Variants in SNX5 observed in about 807,000 individuals in gnomAD.
SNX5 encodes the protein sorting nexin 5, also known as sorting nexin-5.
A neutral mutation model predicts 53.9 loss-of-function variants in SNX5; 31 were observed. The observed-to-expected ratio is 0.58, with a 90% CI of 0.43 to 0.78. The LOEUF (loss-of-function observed/expected upper bound fraction) is 0.78, where lower values mean the gene tolerates loss of function less well. Among genes scored for constraint, SNX5 ranks in the 30% least tolerant of loss-of-function variants. The probability of loss-of-function intolerance (pLI) is 0.00; values close to 1 mark genes in which losing one functional copy is unlikely to be tolerated. For synonymous variants in SNX5, 168 were observed against 171.1 expected (o/e 0.98, Z 0.14); for missense variants, 471 against 478.8 (o/e 0.98, Z 0.15).
intron 8 of SNX5, among the ~76,000 whole-genome samples, 183 bp from the exon 9 acceptor site, chr20:17,949,286 T>C (rs1004154248): frequency 6.6e-6 from 1 of 152,170 alleles, no homozygotes; most frequent in Non-Finnish European, 1.5e-5. Context: ...GTCACAAAAT[T>C]ACACACATGT....
chr20:17,953,308 G>C (rs1341193574), intron 4 of SNX5, among the ~76,000 whole-genome samples: 2 of 152,162 alleles, frequency 1.3e-5, no homozygotes, highest in East Asian at 1.9e-4. Context: ...GGAGGAATGA[G>C]TACTTTTCAG....
chr20:17,968,159 G>T lies in SNX5; in HGVS notation c.51+216C>A, dbSNP rs976651465. 7.4e-6 allele frequency: 3 copies of T among 405,340 alleles called. No homozygotes were observed. The Admixed American group carries it at 1.3e-4, about 18-fold the overall frequency. The allele number at this position is 405,340 out of a possible 1,614,324, so 25.1% of individuals were successfully genotyped here. A position where few individuals can be genotyped will look rare whatever the true frequency, so the allele number is the denominator to read the frequency against. On this transcript the variant is annotated intron_variant, in intron 1 of 12. Coordinates refer to ENST00000377759, the MANE Select transcript of SNX5 (RefSeq NM_014426.4). ...CTGGGGCTAAGGTCCCGCGTCTCTG[G>T]TTCTGTCCTAATAGAATCCGGGACA...
At position 17,952,724 on chromosome 20, in the gene SNX5, T is replaced by C; in HGVS notation, c.390-14A>G. Reference sequence around the variant, plus strand: ...GCGAGATACTCACTGAAAAGAGATGTGCACATGGCATTCAGTTGACACAGC... The same window carrying C: ...GCGAGATACTCACTGAAAAGAGATGCGCACATGGCATTCAGTTGACACAGC... On this transcript the variant is annotated splice_polypyrimidine_tract_variant and intron_variant, in intron 4 of 12. Coordinates refer to ENST00000377759, the MANE Select transcript of SNX5 (RefSeq NM_014426.4). The C allele has an allele frequency of 6.2e-7, 1 of 1,612,024 alleles. No homozygotes were observed. The highest frequency in any genetic ancestry group is 1.1e-5 in the South Asian group (1 of 90,556).
intron 1 of SNX5, chr20:17,967,940 C>CACA (rs1555788459): frequency 7.6e-6 from 3 of 394,478 alleles, no homozygotes; most frequent in African/African-American, 6.3e-5. Context: ...GCCCCCCCCC[C>CACA]AAAAAAGTCT....
intron 1 of SNX5, among the ~76,000 whole-genome samples, chr20:17,960,185 G>A (rs1482668419): frequency 2.0e-5 from 3 of 152,200 alleles, no homozygotes; most frequent in African/African-American, 7.2e-5. Context: ...TTCTGGCTGG[G>A]TGTGGTGGCT....
intron 5 of SNX5, among the ~76,000 whole-genome samples, chr20:17,952,178 G>A (rs939103464): frequency 5.9e-5 from 9 of 152,136 alleles, no homozygotes; most frequent in Non-Finnish European, 1.2e-4. Context: ...AGCCGAGATC[G>A]CGCCACTGCA....
At chr20:17,944,987 T>TG (rs1485504443) in intron 11 of SNX5, 20 of 152,372 alleles carry the variant, frequency 1.3e-4, no homozygotes, top group African/African-American at 4.8e-4. Flanking sequence ...CAGTTTTACT[T>TG]GACTAAAACT....
chr20:17,955,491 G>GAA lies in SNX5; in HGVS notation c.157-18_157-17dup. 1.9e-6 allele frequency: 3 copies of GAA among 1,586,026 alleles called. No individual in the cohort carries two copies. The highest frequency in any genetic ancestry group is 2.6e-6 in the Non-Finnish European group (3 of 1,155,634). On this transcript the variant is annotated splice_polypyrimidine_tract_variant and intron_variant, in intron 2 of 12. Coordinates refer to ENST00000377759, the MANE Select transcript of SNX5 (RefSeq NM_014426.4). ...GCAGTGTGGTCTGTAAAGAAAGAAA[G>GAA]AAGTTAACTGGTAACCACGACTTTT...
At chr20:17,948,380 A>T (rs1298157122) in intron 10 of SNX5, among the ~76,000 whole-genome samples, 1 of 152,110 alleles carries the variant, frequency 6.6e-6, no homozygotes, top group African/African-American at 2.4e-5. Context: ...GGGGGGAAAA[A>T]TTTTTTTTAC....
intron 1 of SNX5, among the ~76,000 whole-genome samples, chr20:17,962,407 GT>G (rs11475300): frequency 0.086 from 13,119 of 151,834 alleles, 809 homozygotes; most frequent in Non-Finnish European, 0.13. Flanking sequence ...GTTTCACCAT[GT>G]TGGTCAGGCT....
chr20:17,964,634 T>G (rs1394040850), intron 1 of SNX5, among the ~76,000 whole-genome samples: 2 of 152,216 alleles, frequency 1.3e-5, no homozygotes, highest in East Asian at 3.9e-4. Context: ...TAATAGCCGT[T>G]TCTCACTATT....
intron 3 of SNX5, 46 bp from the exon 4 acceptor site, chr20:17,954,163 TG>T (rs1568592660): frequency 6.2e-7 from 1 of 1,606,850 alleles, no homozygotes; most frequent in East Asian, 2.2e-5. Context: ...CCAGCAGCGA[TG>T]TTTTCTAGTT....
chr20:17,966,894 C>T (rs912808777), intron 1 of SNX5, among the ~76,000 whole-genome samples: 1 of 152,142 alleles, frequency 6.6e-6, no homozygotes, highest in Non-Finnish European at 1.5e-5. Flanking sequence ...TCAGCATCAG[C>T]AGAGATCAGA....
intron 12 of SNX5, 46 bp from the exon 13 acceptor site, chr20:17,942,453 G>A (rs2039430801): frequency 1.4e-6 from 2 of 1,431,696 alleles, no homozygotes; most frequent in South Asian, 1.1e-5. Context: ...ATTAAAACTT[G>A]CCATATACCT....
chr20:17,953,904 CA>C, intron 4 of SNX5, 91 bp downstream of exon 4: 1 of 1,146,692 alleles, frequency 8.7e-7, no homozygotes, highest in South Asian at 1.4e-5. Context: ...GCACTTAAAA[CA>C]AAATTAAGTC....
chr20:17,953,853 C>A (rs951450147), intron 4 of SNX5, 143 bp downstream of exon 4: 1 of 654,180 alleles, frequency 1.5e-6, no homozygotes, highest in Non-Finnish European at 2.7e-6. Context: ...AGATGTATTA[C>A]TAGTTTTAGA....
intron 1 of SNX5, among the ~76,000 whole-genome samples, chr20:17,960,574 A>G (rs2035429964): frequency 1.3e-5 from 2 of 151,418 alleles, no homozygotes; most frequent in Admixed American, 6.6e-5. Flanking sequence ...AGCCTGGGCG[A>G]TGAGAGCGAA....
intron 11 of SNX5, chr20:17,945,596 C>T (rs148995963): frequency 1.0e-3 from 150 of 149,660 alleles, no homozygotes; most frequent in African/African-American, 3.4e-3. Context: ...GAAGTGTGTA[C>T]GTTTCCTTGA....
chr20:17,945,465 T>C (rs747199052), intron 11 of SNX5: 2 of 152,250 alleles, frequency 1.3e-5, no homozygotes, highest in Non-Finnish European at 2.9e-5. Flanking sequence ...GCGAAAACTT[T>C]AGGCAGTAAA....
Sources: allele counts gnomAD v4.1 joint callset (sites outside exome capture counted in the v4.1 genomes callset), GRCh38; gene constraint gnomAD v4.1.1; transcripts MANE v1.5; gene names NCBI Gene and HGNC (gene_info 2026-07-23, HGNC 2026-07-21).